The following FGGY variants were observed in gnomAD, a reference collection of about 807,000 sequenced individuals.
The protein encoded by FGGY is FGGY carbohydrate kinase domain-containing protein.
In FGGY, 72 loss-of-function variants were observed where a neutral mutation model predicts 71.3. That is an observed-to-expected ratio of 1.01 (90% CI 0.84 to 1.23). FGGY has a LOEUF of 1.23. Among genes scored for constraint, FGGY ranks in the 50% most tolerant of loss-of-function variants. The probability of loss-of-function intolerance (pLI) is 0.00; values close to 1 mark genes in which losing one functional copy is unlikely to be tolerated. For missense variants in FGGY, 668 were observed against 682.3 expected (o/e 0.98, Z 0.23); for synonymous variants, 251 against 250.3 (o/e 1.00, Z -0.02).
At chr1:59,487,933 A>C (rs1329944598) in intron 6 of FGGY, among the ~76,000 whole-genome samples, 1 of 152,160 alleles carries the variant, frequency 6.6e-6, no homozygotes, top group Non-Finnish European at 1.5e-5. Flanking sequence ...AAAACAACTA[A>C]AGAAAAGCCA....
chr1:59,588,765 G>A (rs4393184), intron 8 of FGGY, among the ~76,000 whole-genome samples: 18,704 of 152,128 alleles, frequency 0.12, 1,335 homozygotes, highest in South Asian at 0.3. Flanking sequence ...CACCAGGCCT[G>A]CCCTAAAAGA....
At chr1:59,593,785 A>G (rs2096486447) in intron 8 of FGGY, among the ~76,000 whole-genome samples, 1 of 152,150 alleles carries the variant, frequency 6.6e-6, no homozygotes, top group African/African-American at 2.4e-5. Flanking sequence ...TATCTTTTTC[A>G]TCTCTCTTTT....
chr1:59,482,743 G>A (rs1182794345), intron 6 of FGGY, among the ~76,000 whole-genome samples: 3 of 151,760 alleles, frequency 2.0e-5, no homozygotes, highest in African/African-American at 7.3e-5. Context: ...TATAGGTGAG[G>A]AAACTGAAGC....
At chr1:59,490,439 T>C (rs1337638798) in intron 6 of FGGY, among the ~76,000 whole-genome samples, 8 of 152,202 alleles carry the variant, frequency 5.3e-5, no homozygotes, top group Non-Finnish European at 2.9e-5. Flanking sequence ...ATGAATAGTT[T>C]GCAAGTATTT....
intron 6 of FGGY, among the ~76,000 whole-genome samples, chr1:59,502,359 G>C (rs1162225631): frequency 6.6e-6 from 1 of 152,230 alleles, no homozygotes; most frequent in African/African-American, 2.4e-5. Context: ...CTGTTGGATT[G>C]TAGAGGAAAG....
chr1:59,549,209 T>C (rs2095570729), intron 7 of FGGY, among the ~76,000 whole-genome samples: 1 of 152,178 alleles, frequency 6.6e-6, no homozygotes, highest in African/African-American at 2.4e-5. Flanking sequence ...CTGGAGCCCT[T>C]CCTCTCCAGG....
At chr1:59,508,119 C>T (rs139699260) in intron 6 of FGGY, among the ~76,000 whole-genome samples, 8 of 152,302 alleles carry the variant, frequency 5.3e-5, no homozygotes, top group Non-Finnish European at 1.0e-4. Context: ...TCCACACAGG[C>T]TTGAAAGTCA....
chr1:59,673,151 GAGAC>G (rs1042817710), intron 13 of FGGY, among the ~76,000 whole-genome samples: 1 of 152,214 alleles, frequency 6.6e-6, no homozygotes, highest in Non-Finnish European at 1.5e-5. Context: ...TTTTGGAGGG[GAGAC>G]AGACATTAAA....
chr1:59,378,677 T>C, intron 4 of FGGY, 72 bp from the exon 5 acceptor site: 1 of 1,424,896 alleles, frequency 7.0e-7, no homozygotes, highest in Non-Finnish European at 9.7e-7. Flanking sequence ...TTTGAAAAAT[T>C]TGAAACATTA....
intron 4 of FGGY, among the ~76,000 whole-genome samples, chr1:59,353,640 A>G (rs2053722267): frequency 7.2e-5 from 11 of 152,240 alleles, no homozygotes; most frequent in Admixed American, 7.2e-4. Context: ...CGCCAGTCTC[A>G]GAATGTTTTT....
intron 11 of FGGY, among the ~76,000 whole-genome samples, chr1:59,640,385 A>C (rs1558639225): frequency 6.6e-6 from 1 of 152,224 alleles, no homozygotes. Flanking sequence ...GGAAACTACG[A>C]TGATGCCTAT....
intron 11 of FGGY, among the ~76,000 whole-genome samples, chr1:59,645,639 G>T (rs1457177087): frequency 6.6e-6 from 1 of 152,144 alleles, no homozygotes; most frequent in African/African-American, 2.4e-5. Context: ...TTGCCGTCTG[G>T]TATATATGAG....
intron 8 of FGGY, among the ~76,000 whole-genome samples, chr1:59,559,911 A>T (rs1465002577): frequency 6.6e-6 from 1 of 152,238 alleles, no homozygotes; most frequent in East Asian, 1.9e-4. Flanking sequence ...GACATCTCCC[A>T]TGCAGAAAGA....
intron 7 of FGGY, among the ~76,000 whole-genome samples, chr1:59,541,279 G>A (rs1409444950): frequency 6.6e-6 from 1 of 152,164 alleles, no homozygotes; most frequent in African/African-American, 2.4e-5. Context: ...ATGGAAGGGA[G>A]AAGAAGGGAA....
chr1:59,533,400 G>T (rs551821791), intron 7 of FGGY, among the ~76,000 whole-genome samples: 1 of 152,352 alleles, frequency 6.6e-6, no homozygotes, highest in Admixed American at 6.5e-5. Context: ...AGATCAAACT[G>T]CAAGGCTGCA....
At position 59,667,282 on chromosome 1, in the gene FGGY, G is replaced by A. The variant is rs1393764524; in HGVS notation, c.1297-1G>A. 1 of 1,613,938 alleles carries A rather than the reference G, an allele frequency of 6.2e-7. No homozygotes were observed. Among genetic ancestry groups the A allele is most frequent in the Non-Finnish European group, 8.5e-7 (1 of 1,180,016 alleles). On this transcript the variant is annotated splice_acceptor_variant, in intron 12 of 15. Coordinates refer to ENST00000303721, the MANE Select transcript of FGGY (RefSeq NM_018291.5). LOFTEE classifies it high-confidence loss of function. The stretch of plus-strand genomic sequence containing the variant: ...TGCTATCTTCTGCTTTTCCTTTCAA[G>A]TTGGGGACTCGCTTCATTATAGAAG...
At chr1:59,535,745 C>T (rs553719945) in intron 7 of FGGY, among the ~76,000 whole-genome samples, 1 of 148,486 alleles carries the variant, frequency 6.7e-6, no homozygotes, top group Admixed American at 6.7e-5. Flanking sequence ...GGGTACATAA[C>T]GAAATGAAGG....
intron 8 of FGGY, among the ~76,000 whole-genome samples, chr1:59,573,319 G>A (rs2096018465): frequency 6.6e-6 from 1 of 152,052 alleles, no homozygotes; most frequent in Non-Finnish European, 1.5e-5. Context: ...TTGTATTATG[G>A]ATATATAAGA....
chr1:59,345,310 C>T (rs1031775163), intron 3 of FGGY, among the ~76,000 whole-genome samples: 4 of 152,234 alleles, frequency 2.6e-5, no homozygotes, highest in Middle Eastern at 3.4e-3. Flanking sequence ...AATAATCTCT[C>T]GGGTATATTA....
Sources: gnomAD v4.1 joint callset for allele counts (sites outside exome capture counted in the v4.1 genomes callset) on GRCh38, gnomAD v4.1.1 for gene constraint, MANE v1.5 for transcripts, NCBI Gene and HGNC (gene_info 2026-07-23, HGNC 2026-07-21) for gene names.